UBE3A: variants seen among roughly 807,000 people sequenced by gnomAD.
UBE3A encodes ubiquitin protein ligase E3A.
In UBE3A, 6 loss-of-function variants were observed where a neutral mutation model predicts 83.4. That is an observed-to-expected ratio of 0.07 (90% CI 0.04 to 0.14). UBE3A has a LOEUF of 0.14. Among genes scored for constraint, UBE3A ranks in the 10% least tolerant of loss-of-function variants. The probability of loss-of-function intolerance (pLI) is 1.00; values close to 1 mark genes in which losing one functional copy is unlikely to be tolerated. For synonymous variants in UBE3A, 337 were observed against 355.4 expected (o/e 0.95, Z 0.58); for missense variants, 456 against 1,036.1 (o/e 0.44, Z 7.69).
rs1040104305 is a variant in UBE3A at position 25,338,642 on chromosome 15, T to G, written c.*495A>C. 5 of 152,076 alleles carry G rather than the reference T, an allele frequency of 3.3e-5. No individual in the cohort carries two copies. The highest frequency in any genetic ancestry group is 1.2e-4 in the African/African-American group (5 of 41,394). The allele number at this position is 152,076 out of a possible 1,614,324, so 9.4% of individuals were successfully genotyped here. A position where few individuals can be genotyped will look rare whatever the true frequency, so the allele number is the denominator to read the frequency against. On this transcript the variant is annotated 3_prime_UTR_variant, in exon 13 of 13. Coordinates refer to ENST00000648336, the MANE Select transcript of UBE3A (RefSeq NM_130839.5). Reference sequence around the variant, plus strand: ...AAGCAAATCATTAAAAAAAATACAGTTCCTGATTTGAGTTAGATACAGGGA... The same window carrying G: ...AAGCAAATCATTAAAAAAAATACAGGTCCTGATTTGAGTTAGATACAGGGA...
At chr15:25,354,147 A>G in intron 11 of UBE3A, 1 of 613,502 alleles carries the variant, frequency 1.6e-6, no homozygotes, top group South Asian at 2.0e-5. Flanking sequence ...CATGAGACTT[A>G]TATATAACAA....
intron 11 of UBE3A, among the ~76,000 whole-genome samples, chr15:25,343,052 A>T (rs985057729): frequency 1.2e-4 from 18 of 152,162 alleles, no homozygotes; most frequent in African/African-American, 4.1e-4. Flanking sequence ...GAAAAATCAG[A>T]AAGTGGTGAT....
At chr15:25,431,698 T>C (rs1893492288) in intron 1 of UBE3A, among the ~76,000 whole-genome samples, 1 of 152,144 alleles carries the variant, frequency 6.6e-6, no homozygotes. Context: ...TTCAGAAAAC[T>C]AGGAAAGAAA....
intron 4 of UBE3A, among the ~76,000 whole-genome samples, chr15:25,398,704 T>C (rs1181841914): frequency 6.8e-6 from 1 of 147,606 alleles, no homozygotes; most frequent in African/African-American, 2.5e-5. Flanking sequence ...ATCATGGGTA[T>C]TGCAAATGAT....
chr15:25,398,194 C>CAAAAAACAA (rs2086050218), intron 4 of UBE3A, among the ~76,000 whole-genome samples: 7 of 122,080 alleles, frequency 5.7e-5, no homozygotes, highest in Non-Finnish European at 1.0e-4. Flanking sequence ...AAAAAAAACA[C>CAAAAAACAA]AAAAAACAAA....
chr15:25,407,577 C>T (rs2088937467), intron 3 of UBE3A: 1 of 152,480 alleles, frequency 6.6e-6, no homozygotes, highest in Non-Finnish European at 1.5e-5. Flanking sequence ...AAATGTTTGC[C>T]ACCAAACTGT....
rs774856117 is a variant in UBE3A at position 25,371,541 on chromosome 15, T to C, written c.633A>G (p.Ile211Met). Reference sequence around the variant, plus strand: ...TGTTGTCTCCCTGTGAGCTATCACCTATCCTTGAGGAAGATGCTTCTGAGT... The same window carrying C: ...TGTTGTCTCCCTGTGAGCTATCACCCATCCTTGAGGAAGATGCTTCTGAGT... ...EEDSEASSSR[I>M]GDSSQGDNNL... Residue 211 changes from isoleucine (I) to methionine (M), a missense_variant, in exon 6 of 13, where the codon ATA (isoleucine) becomes ATG (methionine). Ile to Met is a conservative substitution (Grantham distance 10). This residue lies in a region of UBE3A where 42 missense variants were observed against 41.8 expected (regional missense o/e 1.00). Coordinates refer to ENST00000648336, the MANE Select transcript of UBE3A (RefSeq NM_130839.5). This position sits in a 1 kb window ranked among gnomAD's most constrained non-coding sequence, Gnocchi z 5.3. 3 of 1,614,194 alleles carry C rather than the reference T, an allele frequency of 1.9e-6. No homozygotes were observed. The South Asian group carries it at 3.3e-5, about 18-fold the overall frequency.
At chr15:25,350,514 A>T (rs1241079502) in intron 11 of UBE3A, among the ~76,000 whole-genome samples, 1 of 152,178 alleles carries the variant, frequency 6.6e-6, no homozygotes, top group Non-Finnish European at 1.5e-5. Context: ...TAGTCAATAG[A>T]AATACAAAAA....
chr15:25,378,535 G>A (rs958847096), intron 4 of UBE3A, among the ~76,000 whole-genome samples: 1 of 152,132 alleles, frequency 6.6e-6, no homozygotes, highest in Non-Finnish European at 1.5e-5. Flanking sequence ...TGAATACCAT[G>A]ACATTGAGGA....
chr15:25,368,333 T>C (rs980560371), intron 6 of UBE3A, among the ~76,000 whole-genome samples: 6 of 152,120 alleles, frequency 3.9e-5, no homozygotes, highest in African/African-American at 1.4e-4. Context: ...ATTTTACTTA[T>C]AAGACCTATT....
chr15:25,375,958 ATAT>A (rs1405631151), intron 4 of UBE3A, among the ~76,000 whole-genome samples, 195 bp from the exon 5 acceptor site: 1 of 152,188 alleles, frequency 6.6e-6, no homozygotes, highest in East Asian at 1.9e-4. Flanking sequence ...ATTTTCTAGG[ATAT>A]TATGATAAAG....
intron 1 of UBE3A, among the ~76,000 whole-genome samples, chr15:25,427,289 A>G (rs1021835200): frequency 6.6e-6 from 1 of 152,062 alleles, no homozygotes; most frequent in African/African-American, 2.4e-5. Flanking sequence ...CCCCAAACCA[A>G]TGAGTGCAAA....
chr15:25,352,191 TAAAC>T (rs752938719), intron 11 of UBE3A, among the ~76,000 whole-genome samples: 27 of 152,316 alleles, frequency 1.8e-4, no homozygotes, highest in African/African-American at 4.8e-4. Context: ...CAAGACTGTT[TAAAC>T]AAACAAACAA....
chr15:25,405,424 A>G (rs1245899019), intron 4 of UBE3A, 37 bp downstream of exon 4: 3 of 1,611,904 alleles, frequency 1.9e-6, no homozygotes, highest in Non-Finnish European at 2.5e-6. Flanking sequence ...AGGGCAACTC[A>G]AAATAAGAAC....
At chr15:25,348,607 T>C (rs1353504003) in intron 11 of UBE3A, among the ~76,000 whole-genome samples, 2 of 152,132 alleles carry the variant, frequency 1.3e-5, no homozygotes, top group African/African-American at 4.8e-5. Context: ...ACTACTAGAA[T>C]AAGTCAATTT....
intron 1 of UBE3A, among the ~76,000 whole-genome samples, chr15:25,428,204 A>T (rs1039314324): frequency 1.3e-5 from 2 of 152,184 alleles, no homozygotes; most frequent in Admixed American, 6.5e-5. Flanking sequence ...AAAGATGGTA[A>T]ATTATGTATG....
At chr15:25,372,537 A>G (rs2080459026) in intron 5 of UBE3A, among the ~76,000 whole-genome samples, 1 of 152,246 alleles carries the variant, frequency 6.6e-6, no homozygotes, top group South Asian at 2.1e-4. Flanking sequence ...TGCAGAGACT[A>G]TGTAGTCATC....
At chr15:25,358,194 A>T (rs1354522979) in intron 7 of UBE3A, among the ~76,000 whole-genome samples, 1 of 152,030 alleles carries the variant, frequency 6.6e-6, no homozygotes, top group Non-Finnish European at 1.5e-5. Flanking sequence ...CAAGATGGAG[A>T]AACCCCATCT....
rs2074475070 is a variant in UBE3A at position 25,340,020 on chromosome 15, T to C, written c.2498+65A>G. 1.0e-5 allele frequency: 16 copies of C among 1,590,276 alleles called. No individual in the cohort carries two copies. The South Asian group carries it at 1.7e-4, about 16-fold the overall frequency. On this transcript the variant is annotated intron_variant, in intron 12 of 12. Coordinates refer to ENST00000648336, the MANE Select transcript of UBE3A (RefSeq NM_130839.5). ...GCTCAGAAACTATAAAGACAGTTCA[T>C]ATGTATGTGACGAGGAATGCAAGGT...
Sources: gnomAD v4.1 joint callset for allele counts (sites outside exome capture counted in the v4.1 genomes callset) on GRCh38, gnomAD v4.1.1 for gene constraint, gnomAD v4.1.1 regional missense constraint, Gnocchi (gnomAD v3.1) non-coding constraint, MANE v1.5 for transcripts, NCBI Gene and HGNC (gene_info 2026-07-23, HGNC 2026-07-21) for gene names.